Variants in IMMP2L observed in about 807,000 individuals in gnomAD.
The protein encoded by IMMP2L is inner mitochondrial membrane peptidase subunit 2.
In IMMP2L, 18 loss-of-function variants were observed where a neutral mutation model predicts 19.3. The observed-to-expected ratio is 0.93, with a 90% CI of 0.64 to 1.38. The LOEUF is 1.38. Among genes scored for constraint, IMMP2L ranks in the 40% most tolerant of loss-of-function variants. The pLI, the probability that IMMP2L is intolerant of heterozygous loss-of-function variation, is 0.00. For synonymous variants in IMMP2L, 76 were observed against 73.0 expected (o/e 1.04, Z -0.21); for missense variants, 233 against 218.2 (o/e 1.07, Z -0.43).
intron 3 of IMMP2L, among the ~76,000 whole-genome samples, chr7:111,167,811 G>A (rs1174273273): frequency 6.6e-6 from 1 of 151,850 alleles, no homozygotes; most frequent in Non-Finnish European, 1.5e-5. Flanking sequence ...AGAAAGAATG[G>A]CTGTAGTGAT....
At chr7:110,979,697 C>A (rs1235594201) in intron 3 of IMMP2L, among the ~76,000 whole-genome samples, 3 of 149,204 alleles carry the variant, frequency 2.0e-5, no homozygotes, top group Admixed American at 1.3e-4. Context: ...AAAAACAAAA[C>A]AAAAACAAAA....
At chr7:111,016,809 C>CTATATATTATATATAATATATAG (rs1179727456) in intron 3 of IMMP2L, among the ~76,000 whole-genome samples, 4 of 43,112 alleles carry the variant, frequency 9.3e-5, no homozygotes, top group Non-Finnish European at 1.8e-4. Flanking sequence ...ATAATATATA[C>CTATATATTATATATAATATATAG]TATATATTAT....
intron 3 of IMMP2L, among the ~76,000 whole-genome samples, chr7:111,059,260 G>C (rs1296552021): frequency 2.0e-5 from 3 of 152,160 alleles, no homozygotes; most frequent in Admixed American, 1.3e-4. Flanking sequence ...GGGATTACAG[G>C]CATGAGCCAC....
intron 3 of IMMP2L, among the ~76,000 whole-genome samples, chr7:111,366,942 A>C (rs1829822898): frequency 6.6e-6 from 1 of 151,936 alleles, no homozygotes; most frequent in Non-Finnish European, 1.5e-5. Flanking sequence ...TAGCTTTAGA[A>C]GAATATAGGT....
At chr7:110,735,699 C>CAG (rs1796581847) in intron 5 of IMMP2L, among the ~76,000 whole-genome samples, 2 of 146,730 alleles carry the variant, frequency 1.4e-5, no homozygotes, top group Non-Finnish European at 3.0e-5. Context: ...CACACACACA[C>CAG]ACACACACAC....
At chr7:110,863,712 G>A (rs571990996) in intron 5 of IMMP2L, among the ~76,000 whole-genome samples, 1 of 152,230 alleles carries the variant, frequency 6.6e-6, no homozygotes, top group African/African-American at 2.4e-5. Flanking sequence ...CCCAACTAAT[G>A]TAAATGTTCT....
chr7:111,078,983 A>T (rs1358784994), intron 3 of IMMP2L, among the ~76,000 whole-genome samples: 1 of 151,620 alleles, frequency 6.6e-6, no homozygotes, highest in African/African-American at 2.4e-5. Context: ...ACCTGCCTTG[A>T]CCTCCCAAAG....
In IMMP2L at chr7:111,016,839, T is replaced by TATTATATAGTATATA. The variant is rs371361698; in HGVS notation, c.240-53275_240-53274insTATATACTATATAAT. Among the ~76,000 whole-genome samples the TATTATATAGTATATA allele has an allele frequency of 4.3e-5, 3 of 69,566 alleles. No homozygotes were observed. In the South Asian group the frequency reaches 1.3e-3, roughly 31 times the overall value. 45.6% of individuals were successfully genotyped at this position (69,566 alleles called of 152,430 possible). A position where few individuals can be genotyped will look rare whatever the true frequency, so the allele number is the denominator to read the frequency against. ...TATTATATATAATATATAGTATATA[T>TATTATATAGTATATA]TATATATAATATATATTATATAATA... On this transcript the variant is annotated intron_variant, in intron 3 of 5. Transcript: ENST00000405709.
chr7:111,294,988 T>C (rs1401077156), intron 3 of IMMP2L, among the ~76,000 whole-genome samples: 1 of 151,890 alleles, frequency 6.6e-6, no homozygotes, highest in Non-Finnish European at 1.5e-5. Flanking sequence ...AACTGGCTTA[T>C]ACTGCAGCCC....
At chr7:111,433,166 A>T (rs1366465351) in intron 3 of IMMP2L, among the ~76,000 whole-genome samples, 2 of 151,718 alleles carry the variant, frequency 1.3e-5, no homozygotes, top group Non-Finnish European at 2.9e-5. Flanking sequence ...TTCACATGGC[A>T]GCAGGAGACA....
At chr7:111,518,246 C>G (rs1241636560) in intron 2 of IMMP2L, among the ~76,000 whole-genome samples, 3 of 152,064 alleles carry the variant, frequency 2.0e-5, no homozygotes, top group African/African-American at 7.2e-5. Flanking sequence ...CACAAACCAA[C>G]AGAATTTTTG....
intron 3 of IMMP2L, among the ~76,000 whole-genome samples, chr7:111,000,054 T>TG (rs1823498489): frequency 6.6e-6 from 1 of 152,188 alleles, no homozygotes; most frequent in African/African-American, 2.4e-5. Context: ...TGATTTTGTA[T>TG]GGAAGAGCCA....
chr7:111,356,933 A>C, intron 3 of IMMP2L, among the ~76,000 whole-genome samples: 1 of 140,972 alleles, frequency 7.1e-6, no homozygotes, highest in South Asian at 2.1e-4. Flanking sequence ...AGGCTGAGGC[A>C]GGAGAAGCGC....
chr7:111,143,829 C>A (rs751077509), intron 3 of IMMP2L, among the ~76,000 whole-genome samples: 22 of 152,110 alleles, frequency 1.4e-4, no homozygotes, highest in Admixed American at 7.2e-4. Flanking sequence ...CTAGTAATCT[C>A]TTTGTCCATT....
chr7:111,346,501 C>T (rs1220044415), intron 3 of IMMP2L, among the ~76,000 whole-genome samples: 1 of 152,088 alleles, frequency 6.6e-6, no homozygotes, highest in East Asian at 1.9e-4. Flanking sequence ...TGGATGGAGC[C>T]TTCCAAATGA....
intron 3 of IMMP2L, among the ~76,000 whole-genome samples, chr7:111,388,774 C>T (rs1477979399): frequency 6.6e-6 from 1 of 152,004 alleles, no homozygotes; most frequent in African/African-American, 2.4e-5. Context: ...AGACCGGCCC[C>T]CATGATTCAA....
At chr7:111,023,320 T>G (rs1357022318) in intron 3 of IMMP2L, among the ~76,000 whole-genome samples, 3 of 152,168 alleles carry the variant, frequency 2.0e-5, no homozygotes, top group Admixed American at 2.0e-4. Context: ...TACTTAGATA[T>G]TCAATTGTTC....
intron 3 of IMMP2L, among the ~76,000 whole-genome samples, chr7:111,022,211 T>A (rs1386098946): frequency 6.6e-6 from 1 of 152,094 alleles, no homozygotes; most frequent in African/African-American, 2.4e-5. Flanking sequence ...TGCCTAAGTA[T>A]GGGGGAGTCA....
At chr7:111,386,892 C>A (rs1225071996) in intron 3 of IMMP2L, among the ~76,000 whole-genome samples, 1 of 151,902 alleles carries the variant, frequency 6.6e-6, no homozygotes, top group Non-Finnish European at 1.5e-5. Flanking sequence ...ATAAAATAAC[C>A]CCACAAAAAG....
Sources: allele counts gnomAD v4.1 joint callset (sites outside exome capture counted in the v4.1 genomes callset), GRCh38; gene constraint gnomAD v4.1.1; transcripts MANE v1.5; gene names NCBI Gene and HGNC (gene_info 2026-07-23, HGNC 2026-07-21).